The following LRRC37A2 variants were observed in gnomAD, a reference collection of about 807,000 sequenced individuals.
LRRC37A2 encodes the protein leucine rich repeat containing 37 member A2, also known as leucine-rich repeat-containing protein 37A2.
A neutral mutation model predicts 68.8 loss-of-function variants in LRRC37A2; 9 were observed. The ratio of observed to expected loss-of-function variants is 0.13; its 90% CI spans 0.08 to 0.23. LRRC37A2 has a LOEUF of 0.23. Among genes scored for constraint, LRRC37A2 ranks in the 10% least tolerant of loss-of-function variants. LRRC37A2 has a pLI of 1.00. For missense variants in LRRC37A2, 168 were observed against 950.4 expected, an observed-to-expected ratio of 0.18 and a Z score of 10.82; for synonymous variants, 63 against 367.6, an observed-to-expected ratio of 0.17 and a Z score of 9.48.
At chr17:46,980,812 G>A in the LRRC37A2 span, among the ~76,000 whole-genome samples, 3 of 151,778 alleles carry the variant, frequency 2.0e-5, no homozygotes, top group Admixed American at 6.6e-5. Flanking sequence ...CAGCCTGGGT[G>A]ACAGAGCGAG....
rs1257458591 is a variant in LRRC37A2, at chr17:46,529,685, A to G, written c.2906+5801A>G. 2.7e-4 allele frequency among the ~76,000 whole-genome samples: 20 copies of G among 73,378 alleles called. 6 individuals are homozygous for G. Among genetic ancestry groups the G allele is most frequent in the African/African-American group, 7.3e-4 (19 of 26,040 alleles). The allele number at this position is 73,378 out of a possible 152,430, so 48.1% of individuals were successfully genotyped here. ...AAAAGTGGAAACATAAATATAAATA[A>G]ATAAAAACACTCATATCATTTGGTT... On this transcript the variant is annotated intron_variant, in intron 6 of 14. Coordinates refer to ENST00000576629, the Ensembl canonical transcript of LRRC37A2.
chr17:46,657,595 C>G, the LRRC37A2 span, among the ~76,000 whole-genome samples: 1 of 126,684 alleles, frequency 7.9e-6, no homozygotes, highest in Admixed American at 7.9e-5. Flanking sequence ...TTTGCTCATT[C>G]TTCAAGTTTC....
the LRRC37A2 span, chr17:46,929,732 C>T: frequency 1.6e-6 from 1 of 637,248 alleles, no homozygotes; most frequent in Non-Finnish European, 2.9e-6. Flanking sequence ...AACCCTATGG[C>T]AAAGTCACTG....
At chr17:46,932,085 G>A in the LRRC37A2 span, 1 of 1,613,822 alleles carries the variant, frequency 6.2e-7, no homozygotes, top group Non-Finnish European at 8.5e-7. Flanking sequence ...ACCAGTTAAA[G>A]TATGATGTCC....
chr17:46,589,399 A>C, the LRRC37A2 span, among the ~76,000 whole-genome samples: 2 of 129,726 alleles, frequency 1.5e-5, no homozygotes, highest in Non-Finnish European at 3.0e-5. Flanking sequence ...CAGCCTCGCA[A>C]TCTCAACTCA....
the LRRC37A2 span, chr17:46,755,282 T>TA: frequency 1.3e-6 from 2 of 1,564,354 alleles, no homozygotes; most frequent in Non-Finnish European, 1.8e-6. Flanking sequence ...AAGGTACCAT[T>TA]AACCCATCTT....
the LRRC37A2 span, among the ~76,000 whole-genome samples, chr17:46,755,048 G>A: frequency 8.6e-4 from 131 of 152,362 alleles, no homozygotes; most frequent in East Asian, 2.3e-3. Flanking sequence ...CACAGGGCAC[G>A]CCTGGCCCAA....
chr17:46,831,795 C>G, the LRRC37A2 span, among the ~76,000 whole-genome samples: 1 of 152,242 alleles, frequency 6.6e-6, no homozygotes, highest in Non-Finnish European at 1.5e-5. Context: ...GCACTCACCC[C>G]CTCTGGGTCT....
At chr17:46,755,848 T>C in the LRRC37A2 span, 1 of 1,610,818 alleles carries the variant, frequency 6.2e-7, no homozygotes, top group Non-Finnish European at 8.5e-7. Context: ...AAACACACAG[T>C]GACCAAGGGA....
the LRRC37A2 span, among the ~76,000 whole-genome samples, chr17:46,769,328 A>AAG: frequency 6.6e-6 from 1 of 151,998 alleles, no homozygotes; most frequent in African/African-American, 2.4e-5. Flanking sequence ...AAAAAAAAAA[A>AAG]AAAAGAAAAG....
chr17:46,548,335 C>G, exon 10 of LRRC37A2: 1 of 485,262 alleles, frequency 2.1e-6, no homozygotes, highest in Non-Finnish European at 3.3e-6. Flanking sequence ...GGTAGGGAAT[C>G]CAGAAGGAGC....
At chr17:46,606,074 G>A in the LRRC37A2 span, among the ~76,000 whole-genome samples, 1 of 95,502 alleles carries the variant, frequency 1.0e-5, no homozygotes, top group Admixed American at 1.1e-4. Context: ...AGCTACTCAG[G>A]AGGCTGAGGT....
chr17:46,835,876 C>T, the LRRC37A2 span, among the ~76,000 whole-genome samples: 1 of 152,238 alleles, frequency 6.6e-6, no homozygotes, highest in African/African-American at 2.4e-5. Flanking sequence ...GAGCTACCTT[C>T]ACTAAAGAAG....
At chr17:46,971,330 CCTT>C in the LRRC37A2 span, among the ~76,000 whole-genome samples, 1 of 152,008 alleles carries the variant, frequency 6.6e-6, no homozygotes, top group East Asian at 1.9e-4. Context: ...GAGCGAGACT[CCTT>C]CTCAAAATTA....
chr17:46,971,270 G>A, the LRRC37A2 span, among the ~76,000 whole-genome samples: 1 of 152,164 alleles, frequency 6.6e-6, no homozygotes, highest in Admixed American at 6.5e-5. Flanking sequence ...TTGGGAGGCA[G>A]AGGTTGCAGT....
chr17:46,983,482 A>C, the LRRC37A2 span, among the ~76,000 whole-genome samples: 1 of 151,804 alleles, frequency 6.6e-6, no homozygotes, highest in African/African-American at 2.4e-5. Context: ...TTTAGTAGAC[A>C]CAGGGTTTCA....
the LRRC37A2 span, among the ~76,000 whole-genome samples, chr17:46,824,394 G>A: frequency 2.6e-5 from 4 of 152,216 alleles, no homozygotes; most frequent in Admixed American, 2.0e-4. Flanking sequence ...GATTACAGGC[G>A]CTCGCCACCA....
the LRRC37A2 span, among the ~76,000 whole-genome samples, chr17:46,776,409 A>G: frequency 2.6e-5 from 4 of 152,368 alleles, no homozygotes; most frequent in African/African-American, 9.6e-5. Flanking sequence ...TGTGCTGGAC[A>G]CAGTTCTGAG....
At chr17:46,981,399 T>A in the LRRC37A2 span, among the ~76,000 whole-genome samples, 17 of 152,158 alleles carry the variant, frequency 1.1e-4, no homozygotes, top group Non-Finnish European at 1.6e-4. Context: ...AGTGGGTTCT[T>A]TATAAAAGGA....
Sources: allele counts gnomAD v4.1 joint callset (sites outside exome capture counted in the v4.1 genomes callset), GRCh38; gene constraint gnomAD v4.1.1; transcripts MANE v1.5; gene names NCBI Gene and HGNC (gene_info 2026-07-23, HGNC 2026-07-21).